The following ADGRL4 variants were observed in gnomAD, a reference collection of about 807,000 sequenced individuals.
The protein encoded by ADGRL4 is EGF, latrophilin and seven transmembrane domain containing 1.
ADGRL4 carries 90 observed loss-of-function variants against 74.8 expected under a neutral mutation model. That is an observed-to-expected ratio of 1.20 (90% CI 1.02 to 1.43). ADGRL4 has a LOEUF of 1.43. Ranked by LOEUF, ADGRL4 falls within the 40% of genes most tolerant of loss-of-function variation. The pLI is 0.00. For synonymous variants in ADGRL4, 311 were observed against 279.2 expected (o/e 1.11, Z -1.14); for missense variants, 881 against 814.3 (o/e 1.08, Z -1.00).
chr1:78,964,513 G>A (rs1001177066), intron 2 of ADGRL4, among the ~76,000 whole-genome samples: 7 of 152,238 alleles, frequency 4.6e-5, no homozygotes, highest in South Asian at 4.1e-4. Context: ...ATTAGGTTGC[G>A]TTCCTACTAT....
chr1:78,970,700 C>A (rs774904207), intron 2 of ADGRL4, among the ~76,000 whole-genome samples: 3 of 152,162 alleles, frequency 2.0e-5, no homozygotes, highest in African/African-American at 4.8e-5. Context: ...TTTGAATGCA[C>A]CCTGAACCCC....
At chr1:78,909,861 T>C (rs1557493804) in intron 12 of ADGRL4, among the ~76,000 whole-genome samples, 1 of 151,906 alleles carries the variant, frequency 6.6e-6, no homozygotes, top group Non-Finnish European at 1.5e-5. Context: ...TGCAGTATTA[T>C]TTGTAATAAG....
chr1:78,923,329 G>A (rs886841467), intron 8 of ADGRL4, among the ~76,000 whole-genome samples: 2 of 151,964 alleles, frequency 1.3e-5, no homozygotes, highest in African/African-American at 4.8e-5. Context: ...CTTCTGTCTG[G>A]GGTAGATAGG....
rs771160482 is a variant in ADGRL4 at position 78,891,708 on chromosome 1, A to G, written c.1842-16T>C. On this transcript the variant is annotated splice_polypyrimidine_tract_variant and intron_variant, in intron 13 of 14. Coordinates refer to ENST00000370742, the MANE Select transcript of ADGRL4 (RefSeq NM_022159.4). ...TGCACAAGACCTATCACATATGAGA[A>G]ATGCGTCAGTGAAGAAAGCTACGTA... 6.3e-7 allele frequency: 1 copy of G among 1,595,868 alleles called. No individual in the cohort carries two copies. The highest frequency in any genetic ancestry group is 2.2e-5 in the East Asian group (1 of 44,612).
intron 3 of ADGRL4, 87 bp from the exon 4 acceptor site, chr1:78,939,345 C>T: frequency 8.2e-7 from 1 of 1,214,490 alleles, no homozygotes; most frequent in Non-Finnish European, 1.1e-6. Flanking sequence ...ATCTTTCTCA[C>T]TTATTTAAAT....
Position 78,936,291 on chromosome 1 carries a change from C to T in ADGRL4, c.877+4G>A. On this transcript the variant is annotated splice_donor_region_variant and intron_variant, in intron 7 of 14. Coordinates refer to ENST00000370742, the MANE Select transcript of ADGRL4 (RefSeq NM_022159.4). ...TATTGTCTGTTAGATTGTTAAAGTC[C>T]TACCATTTGAATCATATGCAGCTTT... 1 of 1,586,386 alleles carries T rather than the reference C, an allele frequency of 6.3e-7. No individual in the cohort carries two copies. Among genetic ancestry groups the T allele is most frequent in the Non-Finnish European group, 8.5e-7 (1 of 1,169,710 alleles).
intron 2 of ADGRL4, among the ~76,000 whole-genome samples, chr1:78,995,677 A>T (rs1324480283): frequency 2.0e-5 from 3 of 152,218 alleles, no homozygotes; most frequent in African/African-American, 7.2e-5. Context: ...TTGAACTGGA[A>T]AATGACTACA....
chr1:78,964,766 T>A (rs1298121594), intron 2 of ADGRL4, among the ~76,000 whole-genome samples: 1 of 152,182 alleles, frequency 6.6e-6, no homozygotes, highest in Non-Finnish European at 1.5e-5. Context: ...TTAGTTGAGA[T>A]ACTGTTAAAC....
intron 12 of ADGRL4, among the ~76,000 whole-genome samples, chr1:78,894,150 T>C (rs1355699005): frequency 6.6e-6 from 1 of 151,944 alleles, no homozygotes; most frequent in African/African-American, 2.4e-5. Flanking sequence ...CTAATTCTTC[T>C]ACTAGTAATT....
rs555708734 is a variant in ADGRL4, at chr1:79,004,787, T to C, written c.172+283A>G. Among the ~76,000 whole-genome samples, 14 of 152,272 alleles carry C rather than the reference T, an allele frequency of 9.2e-5. 2 individuals carry two copies. The highest frequency in any genetic ancestry group is 3.1e-4 in the African/African-American group (13 of 41,562). On this transcript the variant is annotated intron_variant, in intron 2 of 14. Coordinates refer to ENST00000370742, the MANE Select transcript of ADGRL4 (RefSeq NM_022159.4). ...GTGAACTCTTTTGTTCCCAAAGCTG[T>C]TGACTATGCCCTCTACACCTGGATC...
At chr1:78,971,902 T>C (rs985826458) in intron 2 of ADGRL4, among the ~76,000 whole-genome samples, 2 of 152,048 alleles carry the variant, frequency 1.3e-5, no homozygotes, top group Non-Finnish European at 2.9e-5. Flanking sequence ...ATTACAGGCA[T>C]GTGCCACCAT....
intron 2 of ADGRL4, among the ~76,000 whole-genome samples, chr1:78,990,545 T>C (rs1253141378): frequency 6.6e-6 from 1 of 151,986 alleles, no homozygotes; most frequent in Non-Finnish European, 1.5e-5. Flanking sequence ...CATTTGATTT[T>C]TTTCAAAGGA....
At chr1:78,983,192 A>G (rs1650429739) in intron 2 of ADGRL4, among the ~76,000 whole-genome samples, 1 of 151,820 alleles carries the variant, frequency 6.6e-6, no homozygotes, top group African/African-American at 2.4e-5. Context: ...TCCCACACAT[A>G]AGGAGTGCCA....
chr1:78,923,022 CTG>C (rs1429700856), intron 8 of ADGRL4, among the ~76,000 whole-genome samples: 1 of 151,940 alleles, frequency 6.6e-6, no homozygotes, highest in Middle Eastern at 3.4e-3. Flanking sequence ...CTGAAAAAAA[CTG>C]TGAGTTTGTC....
intron 7 of ADGRL4, among the ~76,000 whole-genome samples, chr1:78,934,110 T>A (rs114984659): frequency 4.6e-5 from 7 of 152,300 alleles, no homozygotes; most frequent in African/African-American, 1.4e-4. Context: ...AGACCCCATA[T>A]AGCCCAGACA....
chr1:78,906,243 T>C (rs1040719993), intron 12 of ADGRL4, among the ~76,000 whole-genome samples: 1 of 152,060 alleles, frequency 6.6e-6, no homozygotes. Context: ...ATAATTGCTC[T>C]ATTTAATTAT....
At chr1:78,933,254 G>A (rs188506126) in intron 7 of ADGRL4, among the ~76,000 whole-genome samples, 6 of 151,510 alleles carry the variant, frequency 4.0e-5, no homozygotes, top group Admixed American at 3.3e-4. Flanking sequence ...CTTCATCCCT[G>A]GGATGCAAGG....
chr1:78,926,303 AT>A (rs1442357783), intron 8 of ADGRL4, among the ~76,000 whole-genome samples: 3 of 152,032 alleles, frequency 2.0e-5, no homozygotes, highest in Non-Finnish European at 4.4e-5. Flanking sequence ...GCCCCCATTC[AT>A]TTTTAACTAA....
intron 2 of ADGRL4, among the ~76,000 whole-genome samples, chr1:78,966,097 A>C (rs1650050668): frequency 6.6e-6 from 1 of 152,112 alleles, no homozygotes; most frequent in Non-Finnish European, 1.5e-5. Context: ...ACAGAGTCAT[A>C]AATATAAAGT....
Sources: allele counts gnomAD v4.1 joint callset (sites outside exome capture counted in the v4.1 genomes callset), GRCh38; gene constraint gnomAD v4.1.1; transcripts MANE v1.5; gene names NCBI Gene and HGNC (gene_info 2026-07-23, HGNC 2026-07-21).